MTF1: variants seen among roughly 807,000 people sequenced by gnomAD.
MTF1 encodes the protein MRE-binding transcription factor.
A neutral mutation model predicts 70.4 loss-of-function variants in MTF1; 22 were observed. The observed-to-expected ratio is 0.31, with a 90% CI of 0.22 to 0.45. MTF1 has a LOEUF of 0.45. MTF1 is among the 20% of genes least tolerant of loss of function. The pLI, the probability that MTF1 is intolerant of heterozygous loss-of-function variation, is 1.00. For missense variants in MTF1, 649 were observed against 922.0 expected, an observed-to-expected ratio of 0.70 and a Z score of 3.83; for synonymous variants, 333 against 352.8, an observed-to-expected ratio of 0.94 and a Z score of 0.63.
At chr1:37,830,236 T>C (rs1641066707) in intron 7 of MTF1, among the ~76,000 whole-genome samples, 1 of 152,266 alleles carries the variant, frequency 6.6e-6, no homozygotes, top group Admixed American at 6.5e-5. Flanking sequence ...TCATGTGATG[T>C]ACCCATTTAA....
intron 6 of MTF1, chr1:37,834,671 T>C (rs1449314976): frequency 8.7e-6 from 4 of 458,770 alleles, no homozygotes; most frequent in Admixed American, 7.0e-5. Context: ...AAGACAACAG[T>C]AGACTGAATG....
intron 5 of MTF1, among the ~76,000 whole-genome samples, 200 bp from the exon 6 acceptor site, chr1:37,835,415 G>A (rs1641151682): frequency 6.6e-6 from 1 of 152,126 alleles, no homozygotes; most frequent in South Asian, 2.1e-4. Context: ...CCTACTGCTG[G>A]GAAGTTTAAA....
At chr1:37,851,594 TTC>T (rs1285086168) in intron 2 of MTF1, among the ~76,000 whole-genome samples, 2 of 152,304 alleles carry the variant, frequency 1.3e-5, no homozygotes, top group Middle Eastern at 3.4e-3. Flanking sequence ...ATTTGAAAAA[TTC>T]TGTGTTTTCT....
chr1:37,850,128 C>T (rs899469065), intron 2 of MTF1, among the ~76,000 whole-genome samples: 2 of 149,156 alleles, frequency 1.3e-5, no homozygotes, highest in African/African-American at 4.9e-5. Context: ...GTCCCAGCTA[C>T]TGTGGAGGCT....
Position 37,840,962 on chromosome 1 carries a change from G to A in MTF1, c.409-804C>T. The A allele has an allele frequency of 4.5e-6, 1 of 220,558 alleles. No homozygotes were observed. The highest frequency in any genetic ancestry group is 9.1e-6 in the Non-Finnish European group (1 of 110,442). The allele number at this position is 220,558 out of a possible 1,614,324, so 13.7% of individuals were successfully genotyped here. ...GGGCTGAGGCCATGGAGCTCTCAGA[G>A]GCAAGGCTGAGAACAAGGAGTGGAT... On this transcript the variant is annotated intron_variant, in intron 2 of 10. Transcript: ENST00000373036. This position sits in a 1 kb window ranked among gnomAD's most constrained non-coding sequence, Gnocchi z 4.5.
At position 37,832,230 on chromosome 1, in the gene MTF1, T is replaced by C. The variant is rs371630564; in HGVS notation, c.1068+15A>G. 2.1e-5 allele frequency: 33 copies of C among 1,577,122 alleles called. No homozygotes were observed. In the African/African-American group the frequency reaches 3.5e-4, roughly 17 times the overall value. On this transcript the variant is annotated intron_variant, in intron 7 of 10. Coordinates refer to ENST00000373036, the MANE Select transcript of MTF1 (RefSeq NM_005955.3). ...GCCCTTATTTTTCTAGCACTGGTATTACAGGTACACTTACCGTACTGGAAT... is the reference window on the plus strand; with the variant it reads ...GCCCTTATTTTTCTAGCACTGGTATCACAGGTACACTTACCGTACTGGAAT...
intron 2 of MTF1, among the ~76,000 whole-genome samples, chr1:37,846,251 C>T (rs145614496): frequency 6.6e-6 from 1 of 152,154 alleles, no homozygotes; most frequent in Admixed American, 6.5e-5. Flanking sequence ...TTACTGATAA[C>T]AGATATTCAG....
chr1:37,850,400 T>C (rs1641398340), intron 2 of MTF1, among the ~76,000 whole-genome samples: 1 of 151,548 alleles, frequency 6.6e-6, no homozygotes, highest in African/African-American at 2.4e-5. Flanking sequence ...GAGTTTGAGG[T>C]TACAGTGAGC....
Position 37,822,139 on chromosome 1 carries a change from T to C in MTF1, c.1749A>G (p.Pro583=). ...TACTTACAATTTGTTCTTGGTTTTGTGGAGAACTGGTGGCACCATTTAATA... is the reference window on the plus strand; with the variant it reads ...TACTTACAATTTGTTCTTGGTTTTGCGGAGAACTGGTGGCACCATTTAATA... ...QWILNGATSS[P]QNQEQIQQAS... The change falls in exon 9 of 11, where the codon CCA becomes CCG. Residue 583 remains proline (P), a synonymous_variant. Coordinates refer to ENST00000373036, the MANE Select transcript of MTF1 (RefSeq NM_005955.3). The C allele has an allele frequency of 6.2e-7, 1 of 1,603,134 alleles. No individual in the cohort carries two copies. The highest frequency in any genetic ancestry group is 8.5e-7 in the Non-Finnish European group (1 of 1,173,138).
rs545685052 is a variant in MTF1, at chr1:37,831,664, A to C, written c.1068+581T>G. On this transcript the variant is annotated intron_variant, in intron 7 of 10. Coordinates refer to ENST00000373036, the MANE Select transcript of MTF1 (RefSeq NM_005955.3). ...ATTTCCTAACAGCTTGAATCAAAGC[A>C]ATCAGATTAAGATAAAGTGGGCTTG... Among the ~76,000 whole-genome samples the C allele has an allele frequency of 1.1e-4, 17 of 152,340 alleles. No homozygotes were observed. The South Asian group carries it at 3.5e-3, about 32-fold the overall frequency.
chr1:37,829,651 G>A (rs113730316), intron 7 of MTF1, among the ~76,000 whole-genome samples: 2,659 of 152,144 alleles, frequency 0.017, 66 homozygotes, highest in African/African-American at 0.05. Context: ...CAGGCATGGT[G>A]GCGGGCGCCT....
At chr1:37,859,431 C>T (rs535721191) in intron 1 of MTF1, 100 bp downstream of exon 1, 120 of 398,432 alleles carry the variant, frequency 3.0e-4, no homozygotes, top group East Asian at 1.9e-3. Flanking sequence ...CTATGGTGAC[C>T]AAACTGAGGT....
rs895096622 is a variant in MTF1, at chr1:37,839,957, C to T, written c.610G>A (p.Val204Met). The change falls in exon 3 of 11, where the codon GTG becomes ATG. Residue 204 changes from valine to methionine, a missense_variant. Transcript: ENST00000373036. ...HTKEKPFECD[V>M]QGCEKAFNTL... ...TTGAATGCCTTCTCACAGCCCTGCA[C>T]GTCACACTCAAATGGCTTCTCCTTC... 6.8e-6 allele frequency: 11 copies of T among 1,614,092 alleles called. No individual in the cohort carries two copies. The highest frequency in any genetic ancestry group is 1.7e-5 in the Admixed American group (1 of 60,010).
intron 1 of MTF1, 45 bp downstream of exon 1, chr1:37,859,486 C>T (rs1387473222): frequency 2.0e-5 from 8 of 398,678 alleles, no homozygotes; most frequent in East Asian, 1.4e-4. Context: ...TCCCGCGCCT[C>T]CCGGTAAGTC....
In MTF1 at chr1:37,838,650, T is replaced by C. The variant is rs1454573781; in HGVS notation, c.754A>G (p.Thr252Ala). ...TLSDLRKHIR[T>A]HTGEKPFRCD... ...CGAAATGGCTTTTCCCCTGTATGAG[T>C]TCGAATGTGCTTCCTCAGATCACTG... The change falls in exon 4 of 11, where the codon ACT becomes GCT. Residue 252 changes from threonine to alanine, a missense_variant. Around this residue, in one of 7 missense-constraint regions of MTF1, gnomAD observed 118 missense variants for 287.2 expected, o/e 0.41. Coordinates refer to ENST00000373036, the MANE Select transcript of MTF1 (RefSeq NM_005955.3). 6.2e-7 allele frequency: 1 copy of C among 1,612,926 alleles called. No homozygotes were observed. Among genetic ancestry groups the C allele is most frequent in the Admixed American group, 1.7e-5 (1 of 59,976 alleles).
At chr1:37,856,504 T>C (rs1037100511) in intron 2 of MTF1, among the ~76,000 whole-genome samples, 28 of 148,358 alleles carry the variant, frequency 1.9e-4, no homozygotes, top group Non-Finnish European at 2.7e-4. Flanking sequence ...TCTTTCTTTT[T>C]TTTTTTTTTT....
chr1:37,847,166 C>G (rs1407112658), intron 2 of MTF1, among the ~76,000 whole-genome samples: 1 of 152,242 alleles, frequency 6.6e-6, no homozygotes, highest in Non-Finnish European at 1.5e-5. Flanking sequence ...CAAACCTTTA[C>G]CCTTACAGAA....
rs1641157421 is a variant in MTF1 at position 37,835,682 on chromosome 1, C to T, written c.842G>A (p.Arg281His). The T allele has an allele frequency of 2.5e-6, 4 of 1,613,912 alleles. No homozygotes were observed. Among genetic ancestry groups the T allele is most frequent in the African/African-American group, 1.3e-5 (1 of 74,924 alleles). Residue 281 changes from arginine to histidine, a missense_variant, in exon 5 of 11, where the codon CGT becomes CAT. Arg to His is a conservative substitution (Grantham distance 29). Coordinates refer to ENST00000373036, the MANE Select transcript of MTF1 (RefSeq NM_005955.3). The part of the protein sequence containing the change: ...AASHHLKTHV[R>H]THTGERPFFC... ...TGGCCTAAACTCACCAGTATGTGTACGAACGTGAGTTTTAAGGTGGTGGCT... is the reference window on the plus strand; with the variant it reads ...TGGCCTAAACTCACCAGTATGTGTATGAACGTGAGTTTTAAGGTGGTGGCT...
At chr1:37,850,944 C>A (rs545957139) in intron 2 of MTF1, among the ~76,000 whole-genome samples, 7 of 151,636 alleles carry the variant, frequency 4.6e-5, no homozygotes, top group South Asian at 4.2e-4. Context: ...AAAGAAAAAA[C>A]CAAAAACCAA....
Sources: gnomAD v4.1 joint callset for allele counts (sites outside exome capture counted in the v4.1 genomes callset) on GRCh38, gnomAD v4.1.1 for gene constraint, gnomAD v4.1.1 regional missense constraint, Gnocchi (gnomAD v3.1) non-coding constraint, MANE v1.5 for transcripts, NCBI Gene and HGNC (gene_info 2026-07-23, HGNC 2026-07-21) for gene names.